The following UGGT2 variants were observed in gnomAD, a reference collection of about 807,000 sequenced individuals.
UGGT2 encodes UDP-glucose:glycoprotein glucosyltransferase 2.
In UGGT2, 180 loss-of-function variants were observed where a neutral mutation model predicts 192.1. That is an observed-to-expected ratio of 0.94 (90% CI 0.83 to 1.06). The LOEUF (loss-of-function observed/expected upper bound fraction) is 1.06. UGGT2 is among the 50% of genes least tolerant of loss of function. UGGT2 has a pLI of 0.00. For missense variants in UGGT2, 1,849 were observed against 1,795.7 expected (o/e 1.03, Z -0.54); for synonymous variants, 580 against 591.0 (o/e 0.98, Z 0.27).
chr13:96,028,117 G>A (rs1003280686), intron 2 of UGGT2, among the ~76,000 whole-genome samples: 6 of 152,068 alleles, frequency 3.9e-5, no homozygotes, highest in East Asian at 3.9e-4. Context: ...TTAAATTACC[G>A]TTTTTCATAT....
rs140907850 is a variant in UGGT2, at chr13:95,922,221, C to T, written c.2295+3459G>A. On this transcript the variant is annotated intron_variant, in intron 20 of 38. Coordinates refer to ENST00000376747, the MANE Select transcript of UGGT2 (RefSeq NM_020121.4). ...CACAAAACCAGAAAATCAAATGCTGCGTGTTCTCACTTATGTGGGAGCTAA... is the reference window on the plus strand; with the variant it reads ...CACAAAACCAGAAAATCAAATGCTGTGTGTTCTCACTTATGTGGGAGCTAA... Among the ~76,000 whole-genome samples, 511 of 152,254 alleles carry T rather than the reference C, an allele frequency of 3.4e-3. 4 individuals are homozygous for T. Among genetic ancestry groups the T allele is most frequent in the African/African-American group, 0.012 (480 of 41,548 alleles).
At chr13:95,886,292 T>C (rs1173609385) in intron 26 of UGGT2, among the ~76,000 whole-genome samples, 1 of 152,214 alleles carries the variant, frequency 6.6e-6, no homozygotes, top group Non-Finnish European at 1.5e-5. Flanking sequence ...AATAAATGTG[T>C]ATGCTAGGTT....
chr13:95,843,536 T>TA (rs1418832647), intron 36 of UGGT2, among the ~76,000 whole-genome samples: 1 of 152,180 alleles, frequency 6.6e-6, no homozygotes, highest in Admixed American at 6.5e-5. Flanking sequence ...GTATCATACC[T>TA]AAAAAATCTC....
intron 36 of UGGT2, among the ~76,000 whole-genome samples, chr13:95,839,218 T>C (rs2139931192): frequency 6.6e-6 from 1 of 152,240 alleles, no homozygotes; most frequent in Admixed American, 6.5e-5. Flanking sequence ...TTAGGGGAAC[T>C]TTAATTCTGT....
chr13:95,855,465 C>A, intron 34 of UGGT2, among the ~76,000 whole-genome samples: 1 of 145,616 alleles, frequency 6.9e-6, no homozygotes. Context: ...AATTTTTGGA[C>A]ATATAAATTT....
At chr13:95,989,805 G>A (rs115792212) in intron 8 of UGGT2, among the ~76,000 whole-genome samples, 168 bp downstream of exon 8, 1,548 of 152,022 alleles carry the variant, frequency 0.01, 28 homozygotes, top group African/African-American at 0.036. Context: ...GCTTGCTTGA[G>A]GGATGATCTG....
intron 8 of UGGT2, among the ~76,000 whole-genome samples, chr13:95,987,151 C>A (rs1436263819): frequency 6.6e-6 from 1 of 152,150 alleles, no homozygotes; most frequent in African/African-American, 2.4e-5. Flanking sequence ...CTTACAATGA[C>A]TTTAAATCAA....
intron 36 of UGGT2, among the ~76,000 whole-genome samples, chr13:95,849,730 A>G (rs1337620287): frequency 6.6e-6 from 1 of 151,818 alleles, no homozygotes; most frequent in South Asian, 2.1e-4. Context: ...AGTTTGCTAC[A>G]TAGGTAAATT....
chr13:96,037,821 T>G lies in UGGT2; in HGVS notation c.159-5850A>C, dbSNP rs544641282. On this transcript the variant is annotated intron_variant, in intron 1 of 38. Transcript: ENST00000376747. Reference sequence around the variant, plus strand: ...CTCAACCTCTTTGCTTTTCCTACAATTTTAAGAGAAACATAAACAAATTGA... The same window carrying G: ...CTCAACCTCTTTGCTTTTCCTACAAGTTTAAGAGAAACATAAACAAATTGA... Among the ~76,000 whole-genome samples, 3 of 152,320 alleles carry G rather than the reference T, an allele frequency of 2.0e-5. No homozygotes were observed. The East Asian group carries it at 5.8e-4, about 29-fold the overall frequency.
At chr13:95,897,555 A>G (rs540167192) in intron 22 of UGGT2, among the ~76,000 whole-genome samples, 6 of 152,284 alleles carry the variant, frequency 3.9e-5, no homozygotes, top group Admixed American at 3.9e-4. Flanking sequence ...GAAACATTTG[A>G]ACAGGCTCAG....
Position 95,884,541 on chromosome 13 carries a change from C to A in UGGT2, c.3178G>T (p.Val1060Phe), listed in dbSNP as rs778790159. ...TCACAGTTGCTGTGCACTGTTTCAACCAACCAGCCTTCTGGAGTAATCATG... is the reference window on the plus strand; with the variant it reads ...TCACAGTTGCTGTGCACTGTTTCAAACAACCAGCCTTCTGGAGTAATCATG... ...LNMITPEGWLVETVHSNCDLD... is the reference protein window; with the variant it reads ...LNMITPEGWLFETVHSNCDLD... The change falls in exon 27 of 39, where the codon GTT becomes TTT. Residue 1060 changes from valine (V) to phenylalanine (F), a missense_variant. By Grantham distance (50) the Val-to-Phe change is conservative. Coordinates refer to ENST00000376747, the MANE Select transcript of UGGT2 (RefSeq NM_020121.4). The A allele has an allele frequency of 1.2e-5, 20 of 1,613,800 alleles. No homozygotes were observed. The highest frequency in any genetic ancestry group is 1.6e-5 in the Non-Finnish European group (19 of 1,179,878).
intron 16 of UGGT2, among the ~76,000 whole-genome samples, chr13:95,938,807 A>G (rs551988333): frequency 6.6e-6 from 1 of 152,066 alleles, no homozygotes; most frequent in Non-Finnish European, 1.5e-5. Context: ...CAGCACCTGG[A>G]TGGTACTTCC....
Position 95,913,950 on chromosome 13 carries a change from G to C in UGGT2, c.2296-10890C>G, listed in dbSNP as rs192764245. Among the ~76,000 whole-genome samples the C allele has an allele frequency of 5.3e-5, 8 of 152,238 alleles. No homozygotes were observed. The East Asian group carries it at 1.2e-3, about 22-fold the overall frequency. ...TGTCCTTTGCCGGGACATGGATGAA[G>C]CTGGAAACCATCATTTTCAGGAAAC... On this transcript the variant is annotated intron_variant, in intron 20 of 38. Transcript: ENST00000376747.
Position 96,007,373 on chromosome 13 carries a change from T to A in UGGT2, c.660+5934A>T, listed in dbSNP as rs148650573. ...GGAAACAGGGAATAATTGAAAGCCA[T>A]CCCTCAAAGATCTGGAACAAGACAA... On this transcript the variant is annotated intron_variant, in intron 5 of 38. Coordinates refer to ENST00000376747, the MANE Select transcript of UGGT2 (RefSeq NM_020121.4). Among the ~76,000 whole-genome samples, 417 of 152,196 alleles carry A rather than the reference T, an allele frequency of 2.7e-3. 2 individuals carry two copies. Among genetic ancestry groups the A allele is most frequent in the African/African-American group, 9.7e-3 (403 of 41,520 alleles).
intron 31 of UGGT2, among the ~76,000 whole-genome samples, chr13:95,862,492 G>T (rs1039058262): frequency 2.6e-5 from 4 of 152,064 alleles, no homozygotes; most frequent in Non-Finnish European, 2.9e-5. Flanking sequence ...GTATTTTGGG[G>T]GGAATCATTC....
chr13:95,836,358 CT>C, intron 37 of UGGT2, among the ~76,000 whole-genome samples: 1 of 152,090 alleles, frequency 6.6e-6, no homozygotes, highest in East Asian at 1.9e-4. Flanking sequence ...CCCTCTAAGC[CT>C]TTTTTTCAAA....
At chr13:95,890,119 T>A (rs139520262) in intron 25 of UGGT2, among the ~76,000 whole-genome samples, 1 of 152,182 alleles carries the variant, frequency 6.6e-6, no homozygotes, top group Non-Finnish European at 1.5e-5. Flanking sequence ...GCCAAACCTA[T>A]AGAATACAAA....
chr13:95,974,794 T>C (rs2050884524), intron 10 of UGGT2, among the ~76,000 whole-genome samples: 1 of 152,106 alleles, frequency 6.6e-6, no homozygotes, highest in African/African-American at 2.4e-5. Context: ...TAAATATTAA[T>C]AATGAGACTG....
Position 95,999,164 on chromosome 13 carries a change from A to T in UGGT2, c.757+47T>A, listed in dbSNP as rs763526427. On this transcript the variant is annotated intron_variant, in intron 6 of 38. Coordinates refer to ENST00000376747, the MANE Select transcript of UGGT2 (RefSeq NM_020121.4). ...TTTTTAAAAAACTAAAGTATGTAAA[A>T]GCCTCCAACTTTTCATTCTACTCAA... The T allele has an allele frequency of 4.2e-5, 64 of 1,520,156 alleles. 1 individual carries two copies. The highest frequency in any genetic ancestry group is 6.9e-5 in the African/African-American group (5 of 72,622). The allele number at this position is 1,520,156 out of a possible 1,614,324, so 94.2% of individuals were successfully genotyped here.
Sources: allele counts gnomAD v4.1 joint callset (sites outside exome capture counted in the v4.1 genomes callset), GRCh38; gene constraint gnomAD v4.1.1; transcripts MANE v1.5; gene names NCBI Gene and HGNC (gene_info 2026-07-23, HGNC 2026-07-21).